STAC: variants seen among roughly 807,000 people sequenced by gnomAD.
STAC encodes SH3 and cysteine-rich domain-containing protein.
In STAC, 43 loss-of-function variants were observed where a neutral mutation model predicts 48.8. The observed-to-expected ratio is 0.88, with a 90% CI of 0.69 to 1.14. The LOEUF is 1.14. STAC is among the 50% of genes most tolerant of loss of function. STAC has a pLI of 0.00. For synonymous variants in STAC, 193 were observed against 179.5 expected (o/e 1.07, Z -0.60); for missense variants, 497 against 504.0 (o/e 0.99, Z 0.13).
chr3:36,521,256 G>A (rs1294595571), intron 8 of STAC, among the ~76,000 whole-genome samples: 1 of 152,106 alleles, frequency 6.6e-6, no homozygotes, highest in Non-Finnish European at 1.5e-5. Context: ...ATATAGTAAA[G>A]TGGGCAGTTC....
intron 8 of STAC, among the ~76,000 whole-genome samples, chr3:36,517,861 TCACA>T (rs890232141): frequency 6.6e-6 from 1 of 150,976 alleles, no homozygotes; most frequent in South Asian, 2.1e-4. Flanking sequence ...ACACTCACAG[TCACA>T]CACACACACA....
At chr3:36,394,986 T>C (rs1388351817) in intron 1 of STAC, among the ~76,000 whole-genome samples, 3 of 151,284 alleles carry the variant, frequency 2.0e-5, no homozygotes, top group Non-Finnish European at 4.4e-5. Flanking sequence ...AACTCAGGAA[T>C]GACTTTTAAA....
At chr3:36,444,355 A>C (rs961892917) in intron 2 of STAC, among the ~76,000 whole-genome samples, 1 of 152,190 alleles carries the variant, frequency 6.6e-6, no homozygotes, top group Non-Finnish European at 1.5e-5. Flanking sequence ...AAAGTTTAGA[A>C]GTTCTTTAAA....
At chr3:36,433,352 G>A (rs1213184133) in intron 1 of STAC, among the ~76,000 whole-genome samples, 1 of 152,172 alleles carries the variant, frequency 6.6e-6, no homozygotes, top group Non-Finnish European at 1.5e-5. Context: ...CCGTAATCCA[G>A]CAGGAAGGAT....
At chr3:36,495,679 T>C (rs768044337) in intron 6 of STAC, among the ~76,000 whole-genome samples, 15 of 152,378 alleles carry the variant, frequency 9.8e-5, no homozygotes, top group Non-Finnish European at 1.3e-4. Context: ...GAGGGTTTCT[T>C]CTCTCAAAAG....
chr3:36,509,488 G>A (rs1436565251), intron 8 of STAC, among the ~76,000 whole-genome samples: 1 of 152,172 alleles, frequency 6.6e-6, no homozygotes, highest in African/African-American at 2.4e-5. Flanking sequence ...ATAATACCCT[G>A]AAGAGTGTTT....
At chr3:36,530,212 G>A (rs1249416917) in intron 10 of STAC, among the ~76,000 whole-genome samples, 1 of 152,112 alleles carries the variant, frequency 6.6e-6, no homozygotes, top group Admixed American at 6.5e-5. Context: ...TCTTTCCTCT[G>A]TTTCTTTCTG....
intron 2 of STAC, among the ~76,000 whole-genome samples, chr3:36,463,784 G>C (rs1185744587): frequency 6.6e-6 from 1 of 150,950 alleles, no homozygotes; most frequent in Admixed American, 6.6e-5. Flanking sequence ...TTGTCCTTGC[G>C]ATAGTTTACT....
intron 6 of STAC, among the ~76,000 whole-genome samples, chr3:36,503,033 T>C (rs1698315640): frequency 6.6e-6 from 1 of 152,222 alleles, no homozygotes; most frequent in South Asian, 2.1e-4. Context: ...GAGGCTATTT[T>C]AAGAACAGTA....
At chr3:36,511,191 C>T (rs1425796817) in intron 8 of STAC, among the ~76,000 whole-genome samples, 1 of 152,010 alleles carries the variant, frequency 6.6e-6, no homozygotes, top group Admixed American at 6.6e-5. Flanking sequence ...TCACATCCTA[C>T]TTGTTGTGTG....
intron 8 of STAC, among the ~76,000 whole-genome samples, chr3:36,524,737 T>A (rs1278674816): frequency 6.6e-6 from 1 of 151,884 alleles, no homozygotes; most frequent in South Asian, 2.1e-4. Context: ...GCAGGCTCTG[T>A]GGGAAAGAGT....
intron 1 of STAC, among the ~76,000 whole-genome samples, chr3:36,387,400 T>C (rs1489602470): frequency 6.6e-6 from 1 of 152,096 alleles, no homozygotes; most frequent in Non-Finnish European, 1.5e-5. Context: ...CACACTGTTG[T>C]GCAGCCATAA....
chr3:36,410,276 G>A (rs1444967411), intron 1 of STAC, among the ~76,000 whole-genome samples: 2 of 152,166 alleles, frequency 1.3e-5, no homozygotes, highest in Non-Finnish European at 2.9e-5. Context: ...CAGTGCACGA[G>A]TGTTAAGTTA....
chr3:36,471,989 C>T (rs1697351545), intron 2 of STAC, among the ~76,000 whole-genome samples: 1 of 152,230 alleles, frequency 6.6e-6, no homozygotes, highest in Admixed American at 6.5e-5. Flanking sequence ...GGGTCTCCCA[C>T]CCCACATTTC....
chr3:36,521,219 G>A (rs933651829), intron 8 of STAC, among the ~76,000 whole-genome samples: 2 of 151,976 alleles, frequency 1.3e-5, no homozygotes, highest in Non-Finnish European at 2.9e-5. Context: ...GAAAGGGCAG[G>A]AAATATTAAA....
intron 2 of STAC, among the ~76,000 whole-genome samples, chr3:36,461,425 A>G (rs953986894): frequency 3.4e-4 from 51 of 152,168 alleles, no homozygotes; most frequent in African/African-American, 1.2e-3. Flanking sequence ...CAATGAACAA[A>G]CCAGGCAAAG....
At chr3:36,423,123 T>C (rs1198396319) in intron 1 of STAC, among the ~76,000 whole-genome samples, 2 of 152,028 alleles carry the variant, frequency 1.3e-5, no homozygotes. Context: ...GAATGGGGTC[T>C]CCACCATAGC....
intron 2 of STAC, among the ~76,000 whole-genome samples, chr3:36,466,429 T>C (rs1350568002): frequency 6.6e-6 from 1 of 152,182 alleles, no homozygotes; most frequent in African/African-American, 2.4e-5. Flanking sequence ...TTTTTCTAGT[T>C]CTGTGAAGAA....
intron 1 of STAC, among the ~76,000 whole-genome samples, chr3:36,414,311 C>G (rs917139337): frequency 6.6e-6 from 1 of 152,034 alleles, no homozygotes; most frequent in Non-Finnish European, 1.5e-5. Flanking sequence ...TTCAGGTACA[C>G]CAATCAGACG....
Sources: gnomAD v4.1 joint callset for allele counts (sites outside exome capture counted in the v4.1 genomes callset) on GRCh38, gnomAD v4.1.1 for gene constraint, MANE v1.5 for transcripts, NCBI Gene and HGNC (gene_info 2026-07-23, HGNC 2026-07-21) for gene names.